CCDC170: variants seen among roughly 807,000 people sequenced by gnomAD.
CCDC170 encodes coiled-coil domain-containing protein 170.
In CCDC170, 69 loss-of-function variants were observed where a neutral mutation model predicts 72.6. That is an observed-to-expected ratio of 0.95 (90% CI 0.78 to 1.16). CCDC170 has a LOEUF of 1.16. CCDC170 is among the 50% of genes most tolerant of loss of function. The pLI, the probability that CCDC170 is intolerant of heterozygous loss-of-function variation, is 0.00. For missense variants in CCDC170, 852 were observed against 832.5 expected, an observed-to-expected ratio of 1.02 and a Z score of -0.29; for synonymous variants, 300 against 303.9, an observed-to-expected ratio of 0.99 and a Z score of 0.13.
intron 3 of CCDC170, 49 bp downstream of exon 3, chr6:151,538,350 A>T: frequency 1.3e-6 from 2 of 1,509,022 alleles, no homozygotes; most frequent in Non-Finnish European, 1.8e-6. Context: ...TTAAAATACT[A>T]GCTTCTGATA....
chr6:151,522,624 A>C (rs1002887566), intron 1 of CCDC170, among the ~76,000 whole-genome samples: 1 of 152,200 alleles, frequency 6.6e-6, no homozygotes, highest in Non-Finnish European at 1.5e-5. Context: ...GGCCACGTGC[A>C]TCAGGGAAAA....
At chr6:151,581,304 T>C (rs1776376210) in intron 6 of CCDC170, among the ~76,000 whole-genome samples, 1 of 152,234 alleles carries the variant, frequency 6.6e-6, no homozygotes, top group South Asian at 2.1e-4. Context: ...GCTAAATTTA[T>C]GTTATATTCT....
chr6:151,569,829 C>A (rs976892017), intron 5 of CCDC170, among the ~76,000 whole-genome samples: 2 of 152,174 alleles, frequency 1.3e-5, no homozygotes, highest in Admixed American at 6.5e-5. Context: ...ATCCCCAAGG[C>A]CTTGTCACTC....
intron 5 of CCDC170, among the ~76,000 whole-genome samples, chr6:151,552,673 G>T (rs916845153): frequency 1.3e-5 from 2 of 150,958 alleles, no homozygotes; most frequent in African/African-American, 4.9e-5. Flanking sequence ...TGTAGCATGA[G>T]TCCTTTAGTC....
At chr6:151,506,954 C>A (rs1562265661) in intron 1 of CCDC170, among the ~76,000 whole-genome samples, 1 of 152,238 alleles carries the variant, frequency 6.6e-6, no homozygotes, top group Non-Finnish European at 1.5e-5. Context: ...AGATTTCCGA[C>A]TTGCCAGTCA....
Position 151,514,357 on chromosome 6 carries a change from G to GAGGGAAGGGAAGAAGGGAGGGAGGA in CCDC170, c.57+20177_57+20178insAGGGAAGAAGGGAGGGAGGAAGGGA, listed in dbSNP as rs1554219947. On this transcript the variant is annotated intron_variant, in intron 1 of 10. Coordinates refer to ENST00000239374, the MANE Select transcript of CCDC170 (RefSeq NM_025059.4). ...GGAAGGAGGGAGGGAGGGAGGGAGG[G>GAGGGAAGGGAAGAAGGGAGGGAGGA]AGGGAGGGAGGGAGGGAGGAAGGAA... Among the ~76,000 whole-genome samples, 4 of 114,824 alleles carry GAGGGAAGGGAAGAAGGGAGGGAGGA rather than the reference G, an allele frequency of 3.5e-5. 1 individual carries two copies. The South Asian group carries it at 9.2e-4, about 26-fold the overall frequency. 75.3% of individuals were successfully genotyped at this position (114,824 alleles called of 152,430 possible). A position where few individuals can be genotyped will look rare whatever the true frequency, so the allele number is the denominator to read the frequency against.
intron 5 of CCDC170, among the ~76,000 whole-genome samples, chr6:151,554,067 T>A (rs1489883243): frequency 2.0e-5 from 3 of 152,206 alleles, no homozygotes; most frequent in Admixed American, 2.0e-4. Context: ...ATCCAAGTGA[T>A]TTGTCATATA....
chr6:151,494,120 C>T lies in CCDC170; in HGVS notation c.-9C>T. Reference sequence around the variant, plus strand: ...CCGGGTCCGAGCGCGCCCCCGGGCTCGGGTCGTCATGAGCCTGGACTGCAC... The same window carrying T: ...CCGGGTCCGAGCGCGCCCCCGGGCTTGGGTCGTCATGAGCCTGGACTGCAC... On this transcript the variant is annotated 5_prime_UTR_variant, in exon 1 of 11. Transcript: ENST00000239374. 1.3e-6 allele frequency: 2 copies of T among 1,496,570 alleles called. No individual in the cohort carries two copies. Among genetic ancestry groups the T allele is most frequent in the Non-Finnish European group, 1.8e-6 (2 of 1,129,864 alleles). The allele number at this position is 1,496,570 out of a possible 1,614,324, so 92.7% of individuals were successfully genotyped here.
intron 1 of CCDC170, among the ~76,000 whole-genome samples, chr6:151,515,862 T>C (rs1782227083): frequency 6.6e-6 from 1 of 151,922 alleles, no homozygotes; most frequent in Non-Finnish European, 1.5e-5. Context: ...GGTCAAGAGA[T>C]CAAGACCATC....
chr6:151,567,679 A>G (rs1776157053), intron 5 of CCDC170, among the ~76,000 whole-genome samples: 1 of 152,214 alleles, frequency 6.6e-6, no homozygotes. Flanking sequence ...ACTTATTTAG[A>G]TTATAGTTGG....
intron 7 of CCDC170, among the ~76,000 whole-genome samples, chr6:151,592,875 A>G (rs372503603): frequency 6.6e-6 from 1 of 152,230 alleles, no homozygotes; most frequent in East Asian, 1.9e-4. Flanking sequence ...TCGATTGAAC[A>G]TGAACATCAA....
chr6:151,541,046 C>T (rs570032196), intron 3 of CCDC170, among the ~76,000 whole-genome samples: 1 of 152,270 alleles, frequency 6.6e-6, no homozygotes, highest in Admixed American at 6.5e-5. Flanking sequence ...TCTTTCTATT[C>T]CAGATCTCTG....
chr6:151,580,840 C>T (rs752699699), intron 6 of CCDC170, among the ~76,000 whole-genome samples: 2 of 152,028 alleles, frequency 1.3e-5, no homozygotes, highest in Non-Finnish European at 2.9e-5. Flanking sequence ...GAGACCACTG[C>T]GACAAAGCAA....
chr6:151,589,295 C>T (rs951631162), intron 7 of CCDC170, among the ~76,000 whole-genome samples: 10 of 152,020 alleles, frequency 6.6e-5, no homozygotes, highest in African/African-American at 1.2e-4. Flanking sequence ...AAAACAACCA[C>T]GACCAAACAA....
At chr6:151,521,850 G>A (rs1304317753) in intron 1 of CCDC170, among the ~76,000 whole-genome samples, 1 of 152,100 alleles carries the variant, frequency 6.6e-6, no homozygotes, top group Non-Finnish European at 1.5e-5. Flanking sequence ...GCTGGGCGTG[G>A]TGGCAGGCCC....
At chr6:151,547,138 T>G (rs940896242) in intron 4 of CCDC170, among the ~76,000 whole-genome samples, 1 of 152,192 alleles carries the variant, frequency 6.6e-6, no homozygotes, top group South Asian at 2.1e-4. Flanking sequence ...TAAACACGTG[T>G]GCACACGCAT....
intron 1 of CCDC170, among the ~76,000 whole-genome samples, chr6:151,519,248 G>A (rs1277541632): frequency 1.3e-5 from 2 of 152,054 alleles, no homozygotes; most frequent in African/African-American, 2.4e-5. Context: ...CTTCCCCAGG[G>A]TATTAATTAT....
chr6:151,595,859 C>T (rs1355816934), intron 8 of CCDC170, among the ~76,000 whole-genome samples: 1 of 152,016 alleles, frequency 6.6e-6, no homozygotes, highest in African/African-American at 2.4e-5. Flanking sequence ...ATGTTGGGGG[C>T]CACGTGTTCC....
intron 6 of CCDC170, among the ~76,000 whole-genome samples, chr6:151,579,113 A>G (rs1776346444): frequency 6.6e-6 from 1 of 151,714 alleles, no homozygotes; most frequent in East Asian, 1.9e-4. Context: ...TCCACTGCCC[A>G]CCTCTAGTGT....
Sources: allele counts gnomAD v4.1 joint callset (sites outside exome capture counted in the v4.1 genomes callset), GRCh38; gene constraint gnomAD v4.1.1; transcripts MANE v1.5; gene names NCBI Gene and HGNC (gene_info 2026-07-23, HGNC 2026-07-21).